MATCAP2: variants seen among roughly 807,000 people sequenced by gnomAD.
MATCAP2 encodes putative tyrosine carboxypeptidase MATCAP2.
At chr7:36,385,128 C>T in the MATCAP2 span, among the ~76,000 whole-genome samples, 11 of 152,046 alleles carry the variant, frequency 7.2e-5, no homozygotes, top group African/African-American at 2.4e-4. Flanking sequence ...ATAAATTTAA[C>T]AAAAGTTTAC....
the MATCAP2 span, among the ~76,000 whole-genome samples, chr7:36,333,576 A>C: frequency 1.0e-4 from 14 of 138,482 alleles, no homozygotes; most frequent in African/African-American, 3.5e-4. Context: ...CAAAAAAAGC[A>C]AAAAAAGAAA....
the MATCAP2 span, among the ~76,000 whole-genome samples, chr7:36,337,246 T>C: frequency 2.6e-5 from 4 of 152,070 alleles, no homozygotes; most frequent in Non-Finnish European, 4.4e-5. Flanking sequence ...TATCTACTTT[T>C]CATTCTTCAT....
the MATCAP2 span, chr7:36,336,082 T>A: frequency 1.4e-5 from 16 of 1,156,066 alleles, no homozygotes; most frequent in Middle Eastern, 2.2e-4. Flanking sequence ...AAAAATAAAA[T>A]AAATAAAATA....
chr7:36,326,091 C>T, the MATCAP2 span: 1 of 151,740 alleles, frequency 6.6e-6, no homozygotes, highest in Non-Finnish European at 1.5e-5. Flanking sequence ...TAAAAGGGTA[C>T]AATATGTTTC....
At chr7:36,344,736 T>C in the MATCAP2 span, among the ~76,000 whole-genome samples, 1 of 152,198 alleles carries the variant, frequency 6.6e-6, no homozygotes, top group Non-Finnish European at 1.5e-5. Flanking sequence ...CTATAATAGA[T>C]TTTTAGGTAG....
At chr7:36,337,125 A>AAAAAAAAAAAAAAAAAG in the MATCAP2 span, among the ~76,000 whole-genome samples, 1 of 145,554 alleles carries the variant, frequency 6.9e-6, no homozygotes, top group Non-Finnish European at 1.5e-5. Flanking sequence ...AAAAAAAAAA[A>AAAAAAAAAAAAAAAAAG]GCAATCAGTC....
the MATCAP2 span, among the ~76,000 whole-genome samples, chr7:36,335,378 C>A: frequency 6.6e-6 from 1 of 152,160 alleles, no homozygotes. Flanking sequence ...AACTCAAGAA[C>A]CTTCCATGAG....
the MATCAP2 span, among the ~76,000 whole-genome samples, chr7:36,344,974 T>C: frequency 7.9e-5 from 12 of 152,302 alleles, no homozygotes; most frequent in East Asian, 2.3e-3. Context: ...CATCTTAATG[T>C]ACACACACCT....
the MATCAP2 span, among the ~76,000 whole-genome samples, chr7:36,373,918 G>A: frequency 6.6e-6 from 1 of 152,032 alleles, no homozygotes; most frequent in Non-Finnish European, 1.5e-5. Context: ...CCGAGTAGCT[G>A]GGACTACAGG....
At chr7:36,327,425 G>A in the MATCAP2 span, among the ~76,000 whole-genome samples, 7 of 152,034 alleles carry the variant, frequency 4.6e-5, no homozygotes, top group African/African-American at 9.7e-5. Context: ...GTGAGCCACC[G>A]TGCCCAGCCT....
chr7:36,377,657 G>A, the MATCAP2 span, among the ~76,000 whole-genome samples: 9 of 152,194 alleles, frequency 5.9e-5, no homozygotes, highest in Admixed American at 5.9e-4. Flanking sequence ...TGCCTTGCTA[G>A]GTTGGGGAAG....
At chr7:36,327,504 A>C in the MATCAP2 span, among the ~76,000 whole-genome samples, 1 of 152,248 alleles carries the variant, frequency 6.6e-6, no homozygotes, top group South Asian at 2.1e-4. Context: ...TTGTCTAAAA[A>C]TTAGACAGCC....
At chr7:36,386,603 C>A in the MATCAP2 span, among the ~76,000 whole-genome samples, 1 of 151,970 alleles carries the variant, frequency 6.6e-6, no homozygotes, top group Non-Finnish European at 1.5e-5. Context: ...AAACAACCAA[C>A]AAAAACCCTA....
the MATCAP2 span, chr7:36,356,790 TA>T: frequency 1.1e-6 from 1 of 937,256 alleles, no homozygotes; most frequent in Non-Finnish European, 1.7e-6. Context: ...GAATTAACCA[TA>T]ACATAGAAAT....
chr7:36,351,440 G>A, the MATCAP2 span, among the ~76,000 whole-genome samples: 1 of 152,082 alleles, frequency 6.6e-6, no homozygotes, highest in Admixed American at 6.6e-5. Context: ...AAATGCAAAT[G>A]CACTGCTATG....
the MATCAP2 span, chr7:36,356,151 G>A: frequency 6.6e-6 from 1 of 152,146 alleles, no homozygotes; most frequent in Non-Finnish European, 1.5e-5. Context: ...ACTTACCGGA[G>A]CCTAAGCAAG....
the MATCAP2 span, among the ~76,000 whole-genome samples, chr7:36,350,097 T>A: frequency 2.8e-4 from 42 of 152,316 alleles, no homozygotes; most frequent in Non-Finnish European, 5.6e-4. Context: ...TCCCCTTCAT[T>A]GTTTTGACAA....
the MATCAP2 span, among the ~76,000 whole-genome samples, chr7:36,368,638 T>C: frequency 3.3e-5 from 5 of 152,198 alleles, no homozygotes; most frequent in Admixed American, 6.5e-5. Context: ...AGAGTGAACC[T>C]GTGAAAAAAT....
At chr7:36,386,158 A>G in the MATCAP2 span, among the ~76,000 whole-genome samples, 503 of 141,496 alleles carry the variant, frequency 3.6e-3, 3 homozygotes, top group African/African-American at 0.012. Flanking sequence ...CTGTCTCGGG[A>G]AAAAAAAAAA....
Sources: allele counts gnomAD v4.1 joint callset (sites outside exome capture counted in the v4.1 genomes callset), GRCh38; gene constraint gnomAD v4.1.1; transcripts MANE v1.5; gene names NCBI Gene and HGNC (gene_info 2026-07-23, HGNC 2026-07-21).